Variants in CHM observed in about 807,000 individuals in gnomAD.
CHM encodes rab proteins geranylgeranyltransferase component A 1.
In CHM, 10 loss-of-function variants were observed where a neutral mutation model predicts 49.0. That is an observed-to-expected ratio of 0.20 (90% CI 0.13 to 0.35). The LOEUF is 0.35. CHM is among the 10% of genes least tolerant of loss of function. The pLI is 1.00. For synonymous variants in CHM, 184 were observed against 167.5 expected (o/e 1.10, Z -0.76); for missense variants, 455 against 478.4 (o/e 0.95, Z 0.46).
At chrX:85,871,620 A>G (rs1183755184) in intron 14 of CHM, among the ~76,000 whole-genome samples, 1 of 111,410 alleles carries the variant, frequency 9.0e-6, no homozygotes, top group Non-Finnish European at 1.9e-5. Context: ...GCATATATTA[A>G]TTAGTACCAA....
At chrX:85,980,552 G>A in intron 3 of CHM, among the ~76,000 whole-genome samples, 1 of 112,018 alleles carries the variant, frequency 8.9e-6, no homozygotes. Context: ...ATGCAATGGT[G>A]CTTGGCACAT....
At chrX:85,907,765 T>G (rs1926691817) in intron 9 of CHM, among the ~76,000 whole-genome samples, 1 of 111,775 alleles carries the variant, frequency 8.9e-6, no homozygotes, top group South Asian at 3.8e-4. Context: ...TTTTCCTAAA[T>G]GGAGAGTGCA....
chrX:85,951,776 C>A (rs73224600), intron 8 of CHM, among the ~76,000 whole-genome samples: 402 of 112,330 alleles, frequency 3.6e-3, no homozygotes, highest in Non-Finnish European at 6.7e-3. Flanking sequence ...ATCAGGTAAG[C>A]AATCACAGTA....
chrX:86,034,971 A>C (rs748988643), intron 1 of CHM, among the ~76,000 whole-genome samples: 1 of 111,453 alleles, frequency 9.0e-6, no homozygotes, highest in African/African-American at 3.3e-5. Context: ...CTTGTGAATG[A>C]GGGGATAGTC....
At chrX:86,016,067 A>C (rs1933286431) in intron 2 of CHM, among the ~76,000 whole-genome samples, 1 of 111,006 alleles carries the variant, frequency 9.0e-6, no homozygotes, top group South Asian at 3.9e-4. Context: ...CGAGAGGCAG[A>C]GTTTGCAGTG....
chrX:86,023,216 T>C (rs1310210047), intron 2 of CHM, among the ~76,000 whole-genome samples: 1 of 111,550 alleles, frequency 9.0e-6, no homozygotes, highest in Non-Finnish European at 1.9e-5. Context: ...ATCTATAAGA[T>C]AAAGTAATTC....
chrX:85,905,656 G>A (rs927127408), intron 9 of CHM, among the ~76,000 whole-genome samples: 8 of 111,635 alleles, frequency 7.2e-5, no homozygotes, highest in African/African-American at 2.3e-4. Context: ...ATACAGTTAA[G>A]CAAGCAAATA....
chrX:85,963,617 G>A (rs751355847), intron 5 of CHM, 48 bp downstream of exon 5: 1 of 1,110,875 alleles, frequency 9.0e-7, no homozygotes, highest in Non-Finnish European at 1.2e-6. Flanking sequence ...TGGGTTTATG[G>A]GCCCAGATAC....
chrX:85,920,286 C>T (rs1411435893), intron 8 of CHM, among the ~76,000 whole-genome samples: 3 of 109,681 alleles, frequency 2.7e-5, no homozygotes, highest in African/African-American at 6.6e-5. Context: ...TTAGTAGAGA[C>T]GGGGTTTCAC....
chrX:86,047,388 C>G (rs1249645652), intron 1 of CHM, 96 bp downstream of exon 1: 36 of 804,403 alleles, frequency 4.5e-5, no homozygotes, highest in Non-Finnish European at 6.5e-5. Context: ...CCACTCTCGA[C>G]CCACGATGTT....
intron 8 of CHM, among the ~76,000 whole-genome samples, chrX:85,915,944 A>C (rs1927428904): frequency 8.9e-6 from 1 of 112,470 alleles, no homozygotes; most frequent in Non-Finnish European, 1.9e-5. Context: ...TACAAAAAAA[A>C]CTATTTTAAA....
intron 2 of CHM, among the ~76,000 whole-genome samples, chrX:85,991,930 C>T (rs1932214577): frequency 9.0e-6 from 1 of 111,009 alleles, no homozygotes; most frequent in African/African-American, 3.3e-5. Context: ...CAATTATCCC[C>T]GTTTTACAAT....
At chrX:85,956,509 T>C (rs1930016011) in intron 7 of CHM, 131 bp from the exon 8 acceptor site, 1 of 896,674 alleles carries the variant, frequency 1.1e-6, no homozygotes, top group Non-Finnish European at 1.5e-6. Context: ...TTTTGGACAC[T>C]GATGGTTGAT....
rs776335732 is a variant in CHM, at chrX:85,990,056, C to CT, written c.117-8248dup. The stretch of plus-strand genomic sequence containing the variant: ...ATGCATGCAAATGTTCACTGTAGCA[C>CT]TATTCCCAATAGCTAAGACATAGAA... On this transcript the variant is annotated intron_variant, in intron 2 of 14. Coordinates refer to ENST00000357749, the MANE Select transcript of CHM (RefSeq NM_000390.4). Among the ~76,000 whole-genome samples, 81 of 112,333 alleles carry CT rather than the reference C, an allele frequency of 7.2e-4. 1 individual carries two copies. In the South Asian group the frequency reaches 0.027, roughly 38 times the overall value.
At chrX:85,979,015 T>C (rs1204824099) in intron 3 of CHM, 124 bp from the exon 4 acceptor site, 11 of 715,199 alleles carry the variant, frequency 1.5e-5, no homozygotes, top group Non-Finnish European at 2.2e-5. Context: ...TCAAAGGATA[T>C]CACCTCAGAG....
intron 4 of CHM, among the ~76,000 whole-genome samples, chrX:85,966,273 C>T (rs1490156611): frequency 9.4e-6 from 1 of 105,881 alleles, no homozygotes; most frequent in East Asian, 3.0e-4. Context: ...CACTTGAACC[C>T]AGGAGGCGGA....
At chrX:86,004,007 A>G (rs962530479) in intron 2 of CHM, among the ~76,000 whole-genome samples, 1 of 112,269 alleles carries the variant, frequency 8.9e-6, no homozygotes, top group Non-Finnish European at 1.9e-5. Flanking sequence ...AAGGGCAGCC[A>G]GAGAGAAAGG....
chrX:85,927,579 T>C (rs1392428533), intron 8 of CHM, among the ~76,000 whole-genome samples: 3 of 112,578 alleles, frequency 2.7e-5, no homozygotes, highest in African/African-American at 9.7e-5. Context: ...CTTTACAGTA[T>C]ATTATTCAGA....
intron 2 of CHM, among the ~76,000 whole-genome samples, chrX:86,006,075 C>T (rs1276202364): frequency 2.7e-5 from 3 of 111,590 alleles, no homozygotes; most frequent in Admixed American, 9.5e-5. Context: ...ACGATCAGGT[C>T]GGCTTCATTC....
Sources: allele counts gnomAD v4.1 joint callset (sites outside exome capture counted in the v4.1 genomes callset), GRCh38; gene constraint gnomAD v4.1.1; transcripts MANE v1.5; gene names NCBI Gene and HGNC (gene_info 2026-07-23, HGNC 2026-07-21).